Variants in NFIA observed in about 807,000 individuals in gnomAD.
NFIA encodes nuclear factor 1 A-type.
NFIA carries 8 observed loss-of-function variants against 62.8 expected under a neutral mutation model. The ratio of observed to expected loss-of-function variants is 0.13; its 90% CI spans 0.07 to 0.23. The LOEUF (loss-of-function observed/expected upper bound fraction) is 0.23, where lower values mean the gene tolerates loss of function less well. Ranked by LOEUF, NFIA falls within the 10% of genes least tolerant of loss-of-function variation. NFIA has a pLI of 1.00. For missense variants in NFIA, 410 were observed against 642.1 expected (o/e 0.64, Z 3.91); for synonymous variants, 235 against 238.1 (o/e 0.99, Z 0.12).
At chr1:61,451,781 TAGGG>T (rs1454754637) in intron 10 of NFIA, among the ~76,000 whole-genome samples, 5 of 152,108 alleles carry the variant, frequency 3.3e-5, no homozygotes, top group Non-Finnish European at 7.4e-5. Flanking sequence ...TCACTGCACA[TAGGG>T]AGGGAGATTC....
intron 2 of NFIA, among the ~76,000 whole-genome samples, chr1:61,273,461 T>A (rs1657633922): frequency 6.6e-6 from 1 of 152,168 alleles, no homozygotes; most frequent in Non-Finnish European, 1.5e-5. Flanking sequence ...AAGCAAGGCA[T>A]CAAGCAGAGA....
intron 10 of NFIA, among the ~76,000 whole-genome samples, chr1:61,455,073 A>G (rs1023105668): frequency 1.3e-5 from 2 of 152,204 alleles, no homozygotes; most frequent in African/African-American, 4.8e-5. Context: ...TGTAAGATAT[A>G]CTCAGAATGT....
At chr1:61,271,342 C>T (rs530343345) in intron 2 of NFIA, among the ~76,000 whole-genome samples, 3 of 152,082 alleles carry the variant, frequency 2.0e-5, no homozygotes, top group Admixed American at 6.6e-5. Context: ...TACACAGTAC[C>T]GACTAAACAG....
chr1:61,350,184 A>G (rs962372347), intron 4 of NFIA, among the ~76,000 whole-genome samples: 4 of 152,108 alleles, frequency 2.6e-5, no homozygotes, highest in Non-Finnish European at 5.9e-5. Flanking sequence ...AACCCATTCC[A>G]TTGACCAGTG....
Position 61,461,115 on chromosome 1 carries a change from A to G in NFIA, c.*5795A>G, listed in dbSNP as rs1044261720. The G allele has an allele frequency of 3.3e-5, 5 of 152,156 alleles. No individual in the cohort carries two copies. The highest frequency in any genetic ancestry group is 1.2e-4 in the African/African-American group (5 of 41,440). 9.4% of individuals were successfully genotyped at this position (152,156 alleles called of 1,614,324 possible). On this transcript the variant is annotated 3_prime_UTR_variant, in exon 11 of 11. Coordinates refer to ENST00000403491, the MANE Select transcript of NFIA (RefSeq NM_001134673.4). ...TCTCAAAACGACTATTTGAATTTCA[A>G]GAACTGTGCTGCGAAGACACTCTGA...
chr1:61,376,163 G>A (rs1338693378), intron 6 of NFIA, among the ~76,000 whole-genome samples: 1 of 151,982 alleles, frequency 6.6e-6, no homozygotes, highest in Non-Finnish European at 1.5e-5. Flanking sequence ...AGACACTCGG[G>A]GGCCTTCCTT....
chr1:61,082,173 G>A, upstream of NFIA: 2 of 340,012 alleles, frequency 5.9e-6, no homozygotes, highest in Non-Finnish European at 1.0e-5. Flanking sequence ...TCCTCACTGC[G>A]TTACCCAGTA....
At chr1:61,410,054 G>A (rs1313118644) in intron 9 of NFIA, among the ~76,000 whole-genome samples, 1 of 152,122 alleles carries the variant, frequency 6.6e-6, no homozygotes, top group African/African-American at 2.4e-5. Flanking sequence ...GTTAGTGTGT[G>A]GGATTCAGAG....
rs529281404 is a variant in NFIA, at chr1:61,148,566, C to T, written c.559+59886C>T. 2.9e-4 allele frequency among the ~76,000 whole-genome samples: 44 copies of T among 152,232 alleles called. 1 individual carries two copies. In the South Asian group the frequency reaches 8.5e-3, roughly 29 times the overall value. Reference sequence around the variant, plus strand: ...ACAGAGAGCTGCTGACTAGTGGCACCGTTGAAAGCTGCATATCTGAAGCTT... The same window carrying T: ...ACAGAGAGCTGCTGACTAGTGGCACTGTTGAAAGCTGCATATCTGAAGCTT... On this transcript the variant is annotated intron_variant, in intron 2 of 10. Transcript: ENST00000403491.
chr1:61,366,090 A>G (rs558511612), intron 6 of NFIA, among the ~76,000 whole-genome samples: 3 of 152,298 alleles, frequency 2.0e-5, no homozygotes, highest in African/African-American at 7.2e-5. Context: ...GTTAGTATAT[A>G]TAAATTTAAG....
At chr1:61,108,218 TAAAGG>T (rs1263658163) in intron 2 of NFIA, among the ~76,000 whole-genome samples, 1 of 151,708 alleles carries the variant, frequency 6.6e-6, no homozygotes, top group African/African-American at 2.4e-5. Context: ...AATCTACAGA[TAAAGG>T]AAATTGACAT....
In NFIA at chr1:61,269,137, A is replaced by G. The variant is rs1570483796; in HGVS notation, c.560-8383A>G. On this transcript the variant is annotated intron_variant, in intron 2 of 10. Transcript: ENST00000403491. Reference sequence around the variant, plus strand: ...CTAAACCAATTTGATTCCTTCGGTAAGATTTTCAAACCCTGTAGAAAACCG... The same window carrying G: ...CTAAACCAATTTGATTCCTTCGGTAGGATTTTCAAACCCTGTAGAAAACCG... 3.9e-5 allele frequency among the ~76,000 whole-genome samples: 6 copies of G among 152,266 alleles called. No homozygotes were observed. In the South Asian group the frequency reaches 1.2e-3, roughly 32 times the overall value.
At chr1:61,203,930 G>A (rs772918199) in intron 2 of NFIA, among the ~76,000 whole-genome samples, 3 of 152,178 alleles carry the variant, frequency 2.0e-5, no homozygotes, top group Non-Finnish European at 4.4e-5. Flanking sequence ...TTATGGGAGA[G>A]CTTAACCCCA....
upstream of NFIA, chr1:61,082,468 G>T: frequency 1.9e-6 from 2 of 1,068,114 alleles, no homozygotes; most frequent in South Asian, 6.0e-5. Flanking sequence ...CGGGCACCCG[G>T]CCGGGCCGGC....
intron 4 of NFIA, among the ~76,000 whole-genome samples, chr1:61,349,700 A>G (rs1662443455): frequency 6.6e-6 from 1 of 152,012 alleles, no homozygotes; most frequent in African/African-American, 2.4e-5. Flanking sequence ...TCAGCCTCCT[A>G]AGTAGCTGGG....
At chr1:61,412,128 C>T (rs1210062364) in intron 9 of NFIA, among the ~76,000 whole-genome samples, 1 of 152,032 alleles carries the variant, frequency 6.6e-6, no homozygotes, top group African/African-American at 2.4e-5. Flanking sequence ...AGTTAAAAAG[C>T]TGGATTTTTC....
chr1:61,326,598 C>T (rs1660949474), intron 3 of NFIA, among the ~76,000 whole-genome samples: 1 of 152,168 alleles, frequency 6.6e-6, no homozygotes, highest in Non-Finnish European at 1.5e-5. Flanking sequence ...TACTTCCCCT[C>T]CTCAGAGGGC....
chr1:61,273,430 A>G (rs1657632589), intron 2 of NFIA, among the ~76,000 whole-genome samples: 1 of 152,136 alleles, frequency 6.6e-6, no homozygotes, highest in Admixed American at 6.6e-5. Context: ...TATGCCCTAT[A>G]TTCCCTTGCC....
chr1:61,089,508 T>G (rs1646278590), intron 2 of NFIA, among the ~76,000 whole-genome samples: 1 of 152,150 alleles, frequency 6.6e-6, no homozygotes, highest in Non-Finnish European at 1.5e-5. Context: ...TTCGTCTTGT[T>G]TTAGACAAAA....
Sources: allele counts gnomAD v4.1 joint callset (sites outside exome capture counted in the v4.1 genomes callset), GRCh38; gene constraint gnomAD v4.1.1; transcripts MANE v1.5; gene names NCBI Gene and HGNC (gene_info 2026-07-23, HGNC 2026-07-21).